Variants in PICALM observed in about 807,000 individuals in gnomAD.
PICALM encodes the protein phosphatidylinositol-binding clathrin assembly protein.
Under a neutral mutation model 80.5 loss-of-function variants are expected in PICALM, and 40 were observed. The ratio of observed to expected loss-of-function variants is 0.50; its 90% confidence interval spans 0.39 to 0.65. The LOEUF (loss-of-function observed/expected upper bound fraction) is 0.65. Ranked by LOEUF, PICALM falls within the 30% of genes least tolerant of loss-of-function variation. The probability of loss-of-function intolerance (pLI) is 0.00; values close to 1 mark genes in which losing one functional copy is unlikely to be tolerated. For synonymous variants in PICALM, 288 were observed against 260.3 expected, an observed-to-expected ratio of 1.11 and a Z score of -1.02; for missense variants, 676 against 778.9, an observed-to-expected ratio of 0.87 and a Z score of 1.57.
chr11:86,039,845 T>C (rs746738631), intron 1 of PICALM, among the ~76,000 whole-genome samples: 9 of 150,840 alleles, frequency 6.0e-5, no homozygotes, highest in Non-Finnish European at 1.0e-4. Flanking sequence ...CTACTAAAAA[T>C]ACAAAAAAAT....
Position 85,990,253 on chromosome 11 carries a change from C to G in PICALM, c.1405G>C (p.Val469Leu), listed in dbSNP as rs1031350451. 39 of 1,580,156 alleles carry G rather than the reference C, an allele frequency of 2.5e-5. No individual in the cohort carries two copies. The highest frequency in any genetic ancestry group is 3.3e-5 in the Non-Finnish European group (38 of 1,156,362). Residue 469 changes from valine to leucine, a missense_variant, in exon 13 of 20, where the codon GTT becomes CTT. Coordinates refer to ENST00000393346, the MANE Select transcript of PICALM (RefSeq NM_007166.4). Reference protein sequence around the residue: ...TTRTPTHEMFVGFTPSPVAQP... With the variant: ...TTRTPTHEMFLGFTPSPVAQP... ...AAAAGGTTAAATGGTACTTTACCAA[C>G]AAACATTTCATGAGTAGGTGTCCTA...
At chr11:85,982,184 TGA>T in intron 14 of PICALM, 181 bp from the exon 15 acceptor site, 1 of 562,498 alleles carries the variant, frequency 1.8e-6, no homozygotes, top group South Asian at 2.1e-5. Flanking sequence ...CTGAATTGAC[TGA>T]GAAGGCTGTA....
chr11:86,061,136 C>T (rs1019508943), intron 1 of PICALM, among the ~76,000 whole-genome samples: 1 of 152,098 alleles, frequency 6.6e-6, no homozygotes, highest in African/African-American at 2.4e-5. Context: ...CAAGACCAGC[C>T]TGGCTAATAT....
At chr11:86,009,940 A>G (rs1282742637) in intron 7 of PICALM, among the ~76,000 whole-genome samples, 4 of 152,244 alleles carry the variant, frequency 2.6e-5, no homozygotes, top group Admixed American at 1.3e-4. Context: ...CAGCAGACTA[A>G]TAACAAAGCT....
chr11:85,990,411 A>G lies in PICALM; in HGVS notation c.1259-12T>C, dbSNP rs1394455224. ...AGCAGAGAAAGGATCTGTGCAGTCC[A>G]AATGTATTATAGCAAAATGAAGAAA... On this transcript the variant is annotated splice_polypyrimidine_tract_variant and intron_variant, in intron 12 of 19. Coordinates refer to ENST00000393346, the MANE Select transcript of PICALM (RefSeq NM_007166.4). 6.5e-7 allele frequency: 1 copy of G among 1,532,864 alleles called. No individual in the cohort carries two copies. The highest frequency in any genetic ancestry group is 8.9e-7 in the Non-Finnish European group (1 of 1,126,308). The allele number at this position is 1,532,864 out of a possible 1,614,324, so 95.0% of individuals were successfully genotyped here.
At chr11:85,976,739 G>T in intron 17 of PICALM, 57 bp from the exon 18 acceptor site, 1 of 1,010,664 alleles carries the variant, frequency 9.9e-7, no homozygotes, top group Non-Finnish European at 1.6e-6. Context: ...TGTCAACTGA[G>T]TTCAAGGAAT....
intron 19 of PICALM, among the ~76,000 whole-genome samples, chr11:85,961,929 G>A (rs991557449): frequency 3.0e-4 from 45 of 151,516 alleles, no homozygotes; most frequent in African/African-American, 9.2e-4. Context: ...AATGAGCTTC[G>A]GCAAATATTA....
intron 3 of PICALM, among the ~76,000 whole-genome samples, chr11:86,024,491 T>A (rs1055199681): frequency 1.3e-5 from 2 of 150,272 alleles, no homozygotes; most frequent in Admixed American, 6.6e-5. Context: ...AGGCCCTGAT[T>A]AACTCTACAC....
At chr11:86,018,587 A>G (rs1295831780) in intron 4 of PICALM, among the ~76,000 whole-genome samples, 1 of 152,202 alleles carries the variant, frequency 6.6e-6, no homozygotes. Context: ...ACAGCCATTC[A>G]TAAGAATGAG....
At chr11:86,060,849 T>C (rs141048461) in intron 1 of PICALM, among the ~76,000 whole-genome samples, 156 of 152,054 alleles carry the variant, frequency 1.0e-3, no homozygotes, top group African/African-American at 3.5e-3. Flanking sequence ...AATGGTGACA[T>C]AGAAGACAAT....
chr11:85,961,296 G>A (rs2093680816), intron 19 of PICALM, among the ~76,000 whole-genome samples: 1 of 152,148 alleles, frequency 6.6e-6, no homozygotes, highest in Non-Finnish European at 1.5e-5. Flanking sequence ...TTTACACGAA[G>A]TTGTCTCCTG....
rs376520522 is a variant in PICALM, at chr11:86,026,387, T to A, written c.274-20A>T. ...AAAACGCTGGAAAAAAAAAATTACA[T>A]CATATTAAGGTACTGCCATCTCACC... On this transcript the variant is annotated intron_variant, in intron 2 of 19. Transcript: ENST00000393346. The A allele has an allele frequency of 3.3e-6, 5 of 1,495,562 alleles. No individual in the cohort carries two copies. Among genetic ancestry groups the A allele is most frequent in the Non-Finnish European group, 3.7e-6 (4 of 1,079,826 alleles). 92.6% of individuals were successfully genotyped at this position (1,495,562 alleles called of 1,614,324 possible).
At chr11:86,009,053 A>T (rs2095339709) in intron 7 of PICALM, among the ~76,000 whole-genome samples, 1 of 151,318 alleles carries the variant, frequency 6.6e-6, no homozygotes, top group African/African-American at 2.4e-5. Flanking sequence ...GCCTATAATC[A>T]GAGCACTTTG....
intron 17 of PICALM, chr11:85,978,267 C>G (rs2094340818): frequency 1.9e-6 from 1 of 539,132 alleles, no homozygotes; most frequent in Admixed American, 3.1e-5. Flanking sequence ...AAAACACTAT[C>G]AAGGTTGACA....
rs746372758 is a variant in PICALM at position 85,972,811 on chromosome 11, CAAAAT to C, written c.1944+1892_1944+1896del. On this transcript the variant is annotated intron_variant, in intron 19 of 19. Transcript: ENST00000393346. ...TATCTGAAGTTAAATGTACAAATAA[CAAAAT>C]AAAAAACAAAAGGACATGAAAAAGA... 3.3e-5 allele frequency among the ~76,000 whole-genome samples: 5 copies of C among 151,716 alleles called. No homozygotes were observed. In the East Asian group the frequency reaches 9.7e-4, roughly 29 times the overall value.
At chr11:86,015,721 T>C (rs2095471075) in intron 4 of PICALM, among the ~76,000 whole-genome samples, 1 of 152,214 alleles carries the variant, frequency 6.6e-6, no homozygotes, top group African/African-American at 2.4e-5. Context: ...CTAAGTATTA[T>C]TCAGAGATTG....
intron 4 of PICALM, 92 bp downstream of exon 4, chr11:86,022,275 G>C: frequency 1.4e-6 from 1 of 708,854 alleles, no homozygotes; most frequent in Non-Finnish European, 2.3e-6. Flanking sequence ...TTTAAAACTG[G>C]CTAAAATTTC....
intron 1 of PICALM, among the ~76,000 whole-genome samples, chr11:86,041,035 G>C (rs2095954961): frequency 1.3e-5 from 2 of 152,128 alleles, no homozygotes; most frequent in South Asian, 2.1e-4. Context: ...ATTTTCCCTG[G>C]TTTCAATTTC....
intron 19 of PICALM, among the ~76,000 whole-genome samples, chr11:85,971,699 G>A (rs962989234): frequency 7.3e-5 from 11 of 151,196 alleles, no homozygotes; most frequent in Non-Finnish European, 1.3e-4. Flanking sequence ...TCGCACCACT[G>A]TACTCGAGTC....
Sources: gnomAD v4.1 joint callset for allele counts (sites outside exome capture counted in the v4.1 genomes callset) on GRCh38, gnomAD v4.1.1 for gene constraint, MANE v1.5 for transcripts, NCBI Gene and HGNC (gene_info 2026-07-23, HGNC 2026-07-21) for gene names.